Variants in NFKBIL1 observed in about 807,000 individuals in gnomAD.
NFKBIL1 encodes NFKB inhibitor like 1.
Under a neutral mutation model 45.4 loss-of-function variants are expected in NFKBIL1, and 30 were observed. The ratio of observed to expected loss-of-function variants is 0.66; its 90% CI spans 0.49 to 0.90. NFKBIL1 has a LOEUF of 0.90. NFKBIL1 is among the 40% of genes least tolerant of loss of function. The pLI is 0.00. For synonymous variants in NFKBIL1, 179 were observed against 197.3 expected, an observed-to-expected ratio of 0.91 and a Z score of 0.78; for missense variants, 434 against 513.4, an observed-to-expected ratio of 0.85 and a Z score of 1.49.
chr6:31,556,236 C>G (rs200777529), intron 2 of NFKBIL1, among the ~76,000 whole-genome samples: 4 of 148,476 alleles, frequency 2.7e-5, no homozygotes, highest in East Asian at 4.0e-4. Flanking sequence ...TGCCCCCCCC[C>G]ACCAACCCTG....
At position 31,557,170 on chromosome 6, in the gene NFKBIL1, C is replaced by T. The variant is rs1208814883; in HGVS notation, c.335-458C>T. 1.3e-5 allele frequency among the ~76,000 whole-genome samples: 2 copies of T among 150,656 alleles called. No individual in the cohort carries two copies. The highest frequency in any genetic ancestry group is 2.4e-5 in the African/African-American group (1 of 40,860). Reference sequence around the variant, plus strand: ...TCACCTAGGCTGGAGTGCAGTGGCACGATCTCGGCTTACTACAAGCTCCAC... The same window carrying T: ...TCACCTAGGCTGGAGTGCAGTGGCATGATCTCGGCTTACTACAAGCTCCAC... On this transcript the variant is annotated intron_variant, in intron 2 of 3. Transcript: ENST00000376148. The surrounding 1 kb of genome is among the most constrained non-coding windows in gnomAD (Gnocchi z 5.4).
chr6:31,553,391 A>G (rs1386232187), intron 2 of NFKBIL1, among the ~76,000 whole-genome samples: 1 of 152,016 alleles, frequency 6.6e-6, no homozygotes, highest in Non-Finnish European at 1.5e-5. Flanking sequence ...CTAGGGAAAA[A>G]CAAGAGTCCC....
intron 2 of NFKBIL1, among the ~76,000 whole-genome samples, chr6:31,554,220 C>G (rs1316307702): frequency 6.6e-6 from 1 of 152,098 alleles, no homozygotes; most frequent in Non-Finnish European, 1.5e-5. Flanking sequence ...GCCTGAACAA[C>G]ACAGTGAGAC....
intron 2 of NFKBIL1, among the ~76,000 whole-genome samples, chr6:31,551,801 GTTTA>G (rs1376788113): frequency 2.6e-5 from 4 of 151,334 alleles, no homozygotes; most frequent in East Asian, 1.9e-4. Context: ...ATTTTTATTT[GTTTA>G]TTTATTTTTG....
At position 31,557,435 on chromosome 6, in the gene NFKBIL1, C is replaced by T. The variant is rs1205387621; in HGVS notation, c.335-193C>T. 6.6e-6 allele frequency among the ~76,000 whole-genome samples: 1 copy of T among 152,162 alleles called. No homozygotes were observed. The highest frequency in any genetic ancestry group is 6.5e-5 in the Admixed American group (1 of 15,274). On this transcript the variant is annotated intron_variant, in intron 2 of 3. Transcript: ENST00000376148. This position sits in a 1 kb window ranked among gnomAD's most constrained non-coding sequence, Gnocchi z 5.4. The stretch of plus-strand genomic sequence containing the variant: ...GAATATTTTAAACTACCACACTTAC[C>T]ATGCATGTGGTAAACTATCAGTCTG...
intron 2 of NFKBIL1, among the ~76,000 whole-genome samples, chr6:31,553,671 T>C (rs1269956613): frequency 2.0e-5 from 3 of 152,130 alleles, no homozygotes; most frequent in African/African-American, 7.2e-5. Flanking sequence ...AATTTCTTTT[T>C]TGTTGTTGTT....
chr6:31,558,589 G>T lies in NFKBIL1; in HGVS notation c.1124G>T (p.Arg375Leu). The T allele has an allele frequency of 6.4e-7, 1 of 1,555,676 alleles. No individual in the cohort carries two copies. The highest frequency in any genetic ancestry group is 8.7e-7 in the Non-Finnish European group (1 of 1,149,234). The change falls in exon 4 of 4, where the codon CGC (arginine) becomes CTC (leucine). Residue 375 changes from arginine to leucine, a missense_variant. Physicochemically the swap from Arg to Leu is moderately radical, Grantham distance 102 (BLOSUM62 -2). Coordinates refer to ENST00000376148, the MANE Select transcript of NFKBIL1 (RefSeq NM_005007.4). This position sits in a 1 kb window ranked among gnomAD's most constrained non-coding sequence, Gnocchi z 7.2. ...AVTALSQALN[R>L]HAEALK ...ACAGCCCTTTCTCAGGCCCTGAATC[G>T]CCATGCAGAGGCCCTCAAGTGACCC... is the stretch of plus-strand genomic sequence containing the variant.
chr6:31,547,657 C>T lies in NFKBIL1; in HGVS notation c.-38C>T. 5 of 1,523,848 alleles carry T rather than the reference C, an allele frequency of 3.3e-6. No individual in the cohort carries two copies. Among genetic ancestry groups the T allele is most frequent in the Non-Finnish European group, 4.5e-6 (5 of 1,108,590 alleles). 94.4% of individuals were successfully genotyped at this position (1,523,848 alleles called of 1,614,324 possible). ...TTCTTAAACACAGGCCTTGGGCCTA[C>T]GGCTCTGGGGGTACTTGGGGGGGCG... On this transcript the variant is annotated 5_prime_UTR_variant, in exon 1 of 4. The change creates a new upstream start codon in the 5' untranslated region. Coordinates refer to ENST00000376148, the MANE Select transcript of NFKBIL1 (RefSeq NM_005007.4).
intron 1 of NFKBIL1, 127 bp from the exon 2 acceptor site, chr6:31,548,036 T>C: frequency 6.1e-6 from 8 of 1,309,748 alleles, no homozygotes; most frequent in Non-Finnish European, 8.4e-6. Flanking sequence ...AGGTTAGGCC[T>C]CATCTCTTGC....
chr6:31,554,830 C>T (rs961078911), intron 2 of NFKBIL1, among the ~76,000 whole-genome samples: 4 of 152,160 alleles, frequency 2.6e-5, no homozygotes, highest in African/African-American at 7.2e-5. Flanking sequence ...GAAACAAAGT[C>T]TATCGATATT....
intron 2 of NFKBIL1, among the ~76,000 whole-genome samples, chr6:31,554,978 A>G (rs184933106): frequency 1.3e-5 from 2 of 152,316 alleles, no homozygotes; most frequent in African/African-American, 2.4e-5. Context: ...GCCAAGCAAT[A>G]TTTGTAGTAT....
At chr6:31,550,433 T>G (rs1562448194) in intron 2 of NFKBIL1, among the ~76,000 whole-genome samples, 1 of 132,086 alleles carries the variant, frequency 7.6e-6, no homozygotes, top group African/African-American at 2.9e-5. Flanking sequence ...ATTTAAAAAT[T>G]TCCTTTAACG....
chr6:31,549,225 G>A (rs189193687), intron 2 of NFKBIL1, among the ~76,000 whole-genome samples: 3 of 152,102 alleles, frequency 2.0e-5, no homozygotes, highest in East Asian at 1.9e-4. Flanking sequence ...ATATGCTGGC[G>A]ATTGTTGTTC....
chr6:31,549,679 C>G (rs1769320042), intron 2 of NFKBIL1, among the ~76,000 whole-genome samples: 1 of 151,924 alleles, frequency 6.6e-6, no homozygotes, highest in Admixed American at 6.6e-5. Flanking sequence ...GAAACCTAAT[C>G]TGAACTAAAG....
chr6:31,557,589 G>A lies in NFKBIL1; in HGVS notation c.335-39G>A. ...ATGGCAGCTCTGCCGAGGAGTGGGA[G>A]TCCCAGCTAACTTCTGCTCCCTGCT... On this transcript the variant is annotated intron_variant, in intron 2 of 3. Coordinates refer to ENST00000376148, the MANE Select transcript of NFKBIL1 (RefSeq NM_005007.4). This position sits in a 1 kb window ranked among gnomAD's most constrained non-coding sequence, Gnocchi z 5.4. 1 of 1,452,712 alleles carries A rather than the reference G, an allele frequency of 6.9e-7. No homozygotes were observed. Among genetic ancestry groups the A allele is most frequent in the South Asian group, 1.5e-5 (1 of 65,436 alleles). The allele number at this position is 1,452,712 out of a possible 1,614,324, so 90.0% of individuals were successfully genotyped here. A position where few individuals can be genotyped will look rare whatever the true frequency, so the allele number is the denominator to read the frequency against.
Position 31,557,728 on chromosome 6 carries a change from AC to A in NFKBIL1, c.441del (p.Trp148GlyfsTer122). The A allele has an allele frequency of 1.9e-6, 3 of 1,609,348 alleles. No homozygotes were observed. The highest frequency in any genetic ancestry group is 2.5e-6 in the Non-Finnish European group (3 of 1,177,214). On this transcript the variant is annotated frameshift_variant, in exon 3 of 4. Transcript: ENST00000376148. LOFTEE classifies it high-confidence loss of function. This position sits in a 1 kb window ranked among gnomAD's most constrained non-coding sequence, Gnocchi z 5.4. ...ETPGQILGWG[P>X]PWDSAEEEEE... ...CCCCTGGCCAAATTTTGGGCTGGGGACCCCCCTGGGATTCTGCTGAAGAGGA... is the reference window on the plus strand; with the variant it reads ...CCCCTGGCCAAATTTTGGGCTGGGGACCCCCTGGGATTCTGCTGAAGAGGA...
At chr6:31,552,095 C>T (rs1769459604) in intron 2 of NFKBIL1, among the ~76,000 whole-genome samples, 1 of 151,964 alleles carries the variant, frequency 6.6e-6, no homozygotes, top group African/African-American at 2.4e-5. Flanking sequence ...CCATGCCCGA[C>T]CTAATTTTTG....
At chr6:31,551,761 A>G (rs1769440564) in intron 2 of NFKBIL1, among the ~76,000 whole-genome samples, 1 of 150,788 alleles carries the variant, frequency 6.6e-6, no homozygotes, top group South Asian at 2.1e-4. Flanking sequence ...TGCCCAGCTA[A>G]TTTTTTTATT....
chr6:31,557,559 T>G lies in NFKBIL1; in HGVS notation c.335-69T>G. The G allele has an allele frequency of 7.7e-7, 1 of 1,304,414 alleles. No individual in the cohort carries two copies. The highest frequency in any genetic ancestry group is 1.0e-6 in the Non-Finnish European group (1 of 962,898). 80.8% of individuals were successfully genotyped at this position (1,304,414 alleles called of 1,614,324 possible). On this transcript the variant is annotated intron_variant, in intron 2 of 3. Transcript: ENST00000376148. The surrounding 1 kb of genome is among the most constrained non-coding windows in gnomAD (Gnocchi z 5.4). Reference sequence around the variant, plus strand: ...CAAGGGAGCGAGTGACCAGCAGGATTCAAGATGGCAGCTCTGCCGAGGAGT... The same window carrying G: ...CAAGGGAGCGAGTGACCAGCAGGATGCAAGATGGCAGCTCTGCCGAGGAGT...
Sources: gnomAD v4.1 joint callset for allele counts (sites outside exome capture counted in the v4.1 genomes callset) on GRCh38, gnomAD v4.1.1 for gene constraint, Gnocchi (gnomAD v3.1) non-coding constraint, MANE v1.5 for transcripts, NCBI Gene and HGNC (gene_info 2026-07-23, HGNC 2026-07-21) for gene names.